The following CTSA variants were observed in gnomAD, a reference collection of about 807,000 sequenced individuals.
CTSA encodes lysosomal protective protein.
In CTSA, 42 loss-of-function variants were observed where a neutral mutation model predicts 66.7. That is an observed-to-expected ratio of 0.63 (90% confidence interval 0.49 to 0.81). The LOEUF is 0.81. CTSA is among the 40% of genes least tolerant of loss of function. The pLI, the probability that CTSA is intolerant of heterozygous loss-of-function variation, is 0.00. For missense variants in CTSA, 525 were observed against 610.9 expected, an observed-to-expected ratio of 0.86 and a Z score of 1.48; for synonymous variants, 225 against 248.6, an observed-to-expected ratio of 0.91 and a Z score of 0.89.
At chr20:45,892,368 G>T (rs1987006440) in intron 4 of CTSA, 30 bp from the exon 5 acceptor site, 2 of 1,613,676 alleles carry the variant, frequency 1.2e-6, no homozygotes, top group Non-Finnish European at 1.7e-6. Flanking sequence ...GGATGGGGTG[G>T]CATTTAGCTA....
rs1228556738 is a variant in CTSA, at chr20:45,891,452, G to A, written c.-1+73G>A. ...TGCGCGGCAGAGGAGGCTCGCGGGT[G>A]GGAGCTGGCGCTGGGGCCGGGGCTT... On this transcript the variant is annotated intron_variant, in intron 1 of 14. Transcript: ENST00000646241. The surrounding 1 kb of genome is among the most constrained non-coding windows in gnomAD (Gnocchi z 4.6). The A allele has an allele frequency of 1.3e-6, 2 of 1,546,074 alleles. No individual in the cohort carries two copies. The highest frequency in any genetic ancestry group is 2.7e-5 in the African/African-American group (2 of 72,958).
At chr20:45,896,642 T>G (rs183821717) in intron 11 of CTSA, 2 of 354,096 alleles carry the variant, frequency 5.6e-6, no homozygotes, top group Non-Finnish European at 1.1e-5. Flanking sequence ...TTTCACCATG[T>G]TGGTCAGGCT....
rs1023492474 is a variant in CTSA at position 45,894,842 on chromosome 20, G to A, written c.889G>A (p.Val297Met). ...SHFRYEKDTV[V>M]VQDLGNIFTR... ...TTGCAGGTATGAGAAGGACACTGTT[G>A]TGGTCCAGGATTTGGGCAACATCTT... The change falls in exon 10 of 15, where the codon GTG (valine) becomes ATG (methionine). Residue 297 changes from valine to methionine, a missense_variant. Val to Met is a conservative substitution (Grantham distance 21). This residue lies in a region of CTSA where 274 missense variants were observed against 321.1 expected (regional missense o/e 0.85). Transcript: ENST00000646241. 3.1e-6 allele frequency: 5 copies of A among 1,614,122 alleles called. No individual in the cohort carries two copies. In the South Asian group the frequency reaches 5.5e-5, roughly 18 times the overall value.
Position 45,891,599 on chromosome 20 carries a change from C to CTGA in CTSA, c.33_34insATG (p.Leu11_Leu12insMet). 2 of 196,460 alleles carry CTGA rather than the reference C, an allele frequency of 1.0e-5. No homozygotes were observed. The highest frequency in any genetic ancestry group is 6.8e-6 in the Non-Finnish European group (1 of 147,506). The allele number at this position is 196,460 out of a possible 1,614,324, so 12.2% of individuals were successfully genotyped here. ...CCGAGCCGCGCCGCCGCCGCTGTTC[C>CTGA]TGCTGCTGCTGCTGCTGCTGCTGCT... On this transcript the variant is annotated inframe_insertion, in exon 2 of 15. Transcript: ENST00000646241. The surrounding 1 kb of genome is among the most constrained non-coding windows in gnomAD (Gnocchi z 4.6).
Position 45,891,888 on chromosome 20 carries a change from G to A in CTSA, c.195-28G>A, listed in dbSNP as rs1391688679. The A allele has an allele frequency of 5.6e-6, 9 of 1,610,290 alleles. No homozygotes were observed. The highest frequency in any genetic ancestry group is 4.5e-5 in the East Asian group (2 of 44,872). On this transcript the variant is annotated intron_variant, in intron 2 of 14. Coordinates refer to ENST00000646241, the MANE Select transcript of CTSA (RefSeq NM_000308.4). This position sits in a 1 kb window ranked among gnomAD's most constrained non-coding sequence, Gnocchi z 4.6. ...GGCTGGAAAGGGCCCCTCCAACTGC[G>A]CCAACCCTGCCCTGACCCCCCTCCC...
rs1465697400 is a variant in CTSA at position 45,891,538 on chromosome 20, G to T, written c.1-31G>T. The T allele has an allele frequency of 1.9e-6, 3 of 1,584,576 alleles. No homozygotes were observed. Among genetic ancestry groups the T allele is most frequent in the African/African-American group, 2.7e-5 (2 of 74,154 alleles). On this transcript the variant is annotated intron_variant, in intron 1 of 14. Transcript: ENST00000646241. The surrounding 1 kb of genome is among the most constrained non-coding windows in gnomAD (Gnocchi z 4.6). ...CTGCTGCACGGAAGCGCTGAGGAGCGAGTCAACAGCCCCTCTGCTGCCTCC... is the reference window on the plus strand; with the variant it reads ...CTGCTGCACGGAAGCGCTGAGGAGCTAGTCAACAGCCCCTCTGCTGCCTCC...
At chr20:45,894,367 T>G in intron 8 of CTSA, 1 of 606,240 alleles carries the variant, frequency 1.6e-6, no homozygotes, top group Non-Finnish European at 2.9e-6. Context: ...AGCTTCAAGA[T>G]TCCCCCTCAA....
Position 45,897,060 on chromosome 20 carries a change from CT to C in CTSA, c.1164+21del. 6.3e-7 allele frequency: 1 copy of C among 1,595,878 alleles called. No individual in the cohort carries two copies. Among genetic ancestry groups the C allele is most frequent in the Non-Finnish European group, 8.6e-7 (1 of 1,164,038 alleles). ...TCACAGGTGAGTGGGGAGAGCACAG[CT>C]GGATCACCAGCAGCCTTAGGACCCC... On this transcript the variant is annotated intron_variant, in intron 12 of 14. Coordinates refer to ENST00000646241, the MANE Select transcript of CTSA (RefSeq NM_000308.4).
At chr20:45,892,630 C>T in intron 5 of CTSA, 95 bp from the exon 6 acceptor site, 1 of 1,557,884 alleles carries the variant, frequency 6.4e-7, no homozygotes, top group Non-Finnish European at 8.8e-7. Flanking sequence ...TCCTCTTGCA[C>T]AAATAGGGTG....
chr20:45,894,262 C>T, intron 8 of CTSA, 190 bp downstream of exon 8: 1 of 666,808 alleles, frequency 1.5e-6, no homozygotes, highest in Non-Finnish European at 2.7e-6. Flanking sequence ...TGGCAAATCC[C>T]ATAACCTCCG....
chr20:45,891,752 C>T lies in CTSA; in HGVS notation c.184C>T (p.Leu62Phe). The T allele has an allele frequency of 6.2e-7, 1 of 1,613,840 alleles. No individual in the cohort carries two copies. Among genetic ancestry groups the T allele is most frequent in the Non-Finnish European group, 8.5e-7 (1 of 1,180,042 alleles). ...GYLKGSGSKH[L>F]HYWFVESQKD... is the part of the protein sequence containing the mutation. Reference sequence around the variant, plus strand: ...CCTCAAAGGCTCCGGCTCCAAGCACCTCCACTACTGGTCTGCCGCCCTGCC... The same window carrying T: ...CCTCAAAGGCTCCGGCTCCAAGCACTTCCACTACTGGTCTGCCGCCCTGCC... The change falls in exon 2 of 15, where the codon CTC (leucine) becomes TTC (phenylalanine). Residue 62 changes from leucine (L) to phenylalanine (F), a missense_variant. Coordinates refer to ENST00000646241, the MANE Select transcript of CTSA (RefSeq NM_000308.4). This position sits in a 1 kb window ranked among gnomAD's most constrained non-coding sequence, Gnocchi z 4.6.
At chr20:45,893,739 G>A (rs1201844780) in intron 7 of CTSA, among the ~76,000 whole-genome samples, 4 of 152,032 alleles carry the variant, frequency 2.6e-5, no homozygotes, top group Non-Finnish European at 5.9e-5. Context: ...CCAAAGTGCT[G>A]GGATTACAGG....
chr20:45,893,542 G>A, intron 7 of CTSA: 3 of 552,724 alleles, frequency 5.4e-6, no homozygotes, highest in Non-Finnish European at 9.7e-6. Flanking sequence ...GAGTGCAGTG[G>A]CACGATCTTA....
chr20:45,894,009 C>G lies in CTSA; in HGVS notation c.714C>G (p.Thr238=). 6.2e-7 allele frequency: 1 copy of G among 1,611,686 alleles called. No homozygotes were observed. Among genetic ancestry groups the G allele is most frequent in the Non-Finnish European group, 8.5e-7 (1 of 1,177,962 alleles). ...ACAGGCTTTGGTCTTCTCTCCAGAC[C>G]CACTGCTGCTCTCAAAACAAGTGTA... ...LGNRLWSSLQ[T]HCCSQNKCNF... is the part of the protein sequence containing the mutation. The change falls in exon 8 of 15, where the codon ACC becomes ACG. Residue 238 remains threonine, a synonymous_variant. Coordinates refer to ENST00000646241, the MANE Select transcript of CTSA (RefSeq NM_000308.4).
chr20:45,892,576 T>C (rs1051029814), intron 5 of CTSA, 92 bp downstream of exon 5: 42 of 1,519,366 alleles, frequency 2.8e-5, no homozygotes, highest in Non-Finnish European at 3.6e-5. Flanking sequence ...TGGAGTCTAC[T>C]TTTCGCTCTG....
At position 45,897,663 on chromosome 20, in the gene CTSA, G is replaced by A. The variant is rs1007588672; in HGVS notation, c.1165-54G>A. The A allele has an allele frequency of 2.3e-5, 24 of 1,065,030 alleles. No individual in the cohort carries two copies. The African/African-American group carries it at 3.6e-4, about 16-fold the overall frequency. The allele number at this position is 1,065,030 out of a possible 1,614,324, so 66.0% of individuals were successfully genotyped here. On this transcript the variant is annotated intron_variant, in intron 12 of 14. Coordinates refer to ENST00000646241, the MANE Select transcript of CTSA (RefSeq NM_000308.4). ...AGGGGTAGGCCTTGAACTAGGGAAG[G>A]GCTGGGGACTGGGCTTGTTCCACAC...
chr20:45,892,784 GAAC>G lies in CTSA; in HGVS notation c.510_512del (p.Asn170del). The G allele has an allele frequency of 1.9e-6, 3 of 1,614,142 alleles. No individual in the cohort carries two copies. Among genetic ancestry groups the G allele is most frequent in the Non-Finnish European group, 2.5e-6 (3 of 1,180,026 alleles). The stretch of plus-strand genomic sequence containing the variant: ...TCTTCCGCCTCTTTCCGGAGTACAA[GAAC>G]AACAAACTTTTCCTGACCGGGGAGA... On this transcript the variant is annotated inframe_deletion, in exon 6 of 15. Transcript: ENST00000646241.
Position 45,898,007 on chromosome 20 carries a change from G to A in CTSA, c.1257G>A (p.Met419Ile). ...TGATGTCTTTCCTGGTGGGGCAGAT[G>A]GAGGTGCAGCGCCGGCCCTGGTTAG... is the stretch of plus-strand genomic sequence containing the variant. ...EWFVDSLNQK[M>I]EVQRRPWLVK... is the part of the protein sequence containing the mutation. The change falls in exon 14 of 15, where the codon ATG (methionine) becomes ATA (isoleucine). Residue 419 changes from methionine to isoleucine, a missense_variant and splice_region_variant. Coordinates refer to ENST00000646241, the MANE Select transcript of CTSA (RefSeq NM_000308.4). This position sits in a 1 kb window ranked among gnomAD's most constrained non-coding sequence, Gnocchi z 4.6. 6.2e-7 allele frequency: 1 copy of A among 1,614,146 alleles called. No homozygotes were observed. Among genetic ancestry groups the A allele is most frequent in the Non-Finnish European group, 8.5e-7 (1 of 1,179,994 alleles).
Position 45,892,025 on chromosome 20 carries a change from CTGG to C in CTSA, c.306+1_306+3del. The C allele has an allele frequency of 6.2e-7, 1 of 1,612,656 alleles. No individual in the cohort carries two copies. Among genetic ancestry groups the C allele is most frequent in the Non-Finnish European group, 8.5e-7 (1 of 1,178,734 alleles). On this transcript the variant is annotated splice_donor_variant and coding_sequence_variant, in exon 3 of 15. Coordinates refer to ENST00000646241, the MANE Select transcript of CTSA (RefSeq NM_000308.4). LOFTEE classifies it high-confidence loss of function. ...GCTCCTCACAGAGCATGGCCCCTTC[CTGG>C]TGAGTGGACAGCAGGGGGAAAGCAC... is the stretch of plus-strand genomic sequence containing the variant.
Sources: allele counts gnomAD v4.1 joint callset (sites outside exome capture counted in the v4.1 genomes callset), GRCh38; gene constraint gnomAD v4.1.1; regional missense constraint gnomAD v4.1.1; non-coding constraint Gnocchi (gnomAD v3.1); transcripts MANE v1.5; gene names NCBI Gene and HGNC (gene_info 2026-07-23, HGNC 2026-07-21).